FAM110B: variants seen among roughly 807,000 people sequenced by gnomAD.
FAM110B encodes the protein family with sequence similarity 110 member B, also known as protein FAM110B.
A neutral mutation model predicts 20.4 loss-of-function variants in FAM110B; 6 were observed. The ratio of observed to expected loss-of-function variants is 0.29; its 90% CI spans 0.16 to 0.58. FAM110B has a LOEUF of 0.58. Ranked by LOEUF, FAM110B falls within the 20% of genes least tolerant of loss-of-function variation. The pLI, the probability that FAM110B is intolerant of heterozygous loss-of-function variation, is 0.90. For missense variants in FAM110B, 434 were observed against 498.2 expected, an observed-to-expected ratio of 0.87 and a Z score of 1.23; for synonymous variants, 226 against 214.1, an observed-to-expected ratio of 1.06 and a Z score of -0.49.
In FAM110B at chr8:58,038,281, G is replaced by T. The variant is rs545439357; in HGVS notation, c.-414+6578G>T. 2.3e-4 allele frequency among the ~76,000 whole-genome samples: 35 copies of T among 152,210 alleles called. 1 individual carries two copies. The highest frequency in any genetic ancestry group is 4.2e-4 in the South Asian group (2 of 4,816). On this transcript the variant is annotated intron_variant, in intron 2 of 3. Transcript: ENST00000519262. ...ATCAACCCTCGGACCATTAATGACT[G>T]TTCTGTTTACTCAGAGCTGTGTTAT...
chr8:58,071,923 GAA>G (rs1805907912), intron 2 of FAM110B, among the ~76,000 whole-genome samples: 1 of 152,188 alleles, frequency 6.6e-6, no homozygotes, highest in South Asian at 2.1e-4. Context: ...TCCCATTGCA[GAA>G]GGGTGCGTAT....
At chr8:58,076,333 A>T (rs1302703915) in intron 3 of FAM110B, among the ~76,000 whole-genome samples, 1 of 152,102 alleles carries the variant, frequency 6.6e-6, no homozygotes, top group African/African-American at 2.4e-5. Context: ...GGAGTGGGTG[A>T]CCCGCAGAGA....
intron 3 of FAM110B, among the ~76,000 whole-genome samples, chr8:58,087,957 C>T (rs1806379271): frequency 6.6e-6 from 1 of 152,108 alleles, no homozygotes; most frequent in Non-Finnish European, 1.5e-5. Context: ...TAATTTGTAA[C>T]TTTCAAAAAT....
intron 3 of FAM110B, among the ~76,000 whole-genome samples, chr8:58,094,728 C>T (rs181255677): frequency 3.8e-3 from 573 of 152,136 alleles, no homozygotes; most frequent in Non-Finnish European, 5.1e-3. Context: ...GTTGTGTCTC[C>T]GCCAGGTTTT....
At chr8:58,023,766 C>T (rs1021972264) in intron 1 of FAM110B, among the ~76,000 whole-genome samples, 6 of 152,112 alleles carry the variant, frequency 3.9e-5, no homozygotes, top group African/African-American at 7.2e-5. Context: ...TCATTGAAAT[C>T]GTGGAAAATG....
chr8:58,014,072 C>T (rs1030127495), intron 1 of FAM110B, among the ~76,000 whole-genome samples: 2 of 152,024 alleles, frequency 1.3e-5, no homozygotes, highest in African/African-American at 2.4e-5. Context: ...GGAAAAGGCC[C>T]GAGCCAAACT....
intron 2 of FAM110B, among the ~76,000 whole-genome samples, chr8:58,070,024 C>T (rs575095851): frequency 5.2e-4 from 79 of 152,222 alleles, no homozygotes; most frequent in African/African-American, 1.8e-3. Context: ...GAATTTTCTC[C>T]TGTGCTTTGC....
chr8:58,005,232 G>A (rs1248699754), intron 1 of FAM110B, among the ~76,000 whole-genome samples: 1 of 152,176 alleles, frequency 6.6e-6, no homozygotes, highest in African/African-American at 2.4e-5. Context: ...GGCCTGAGCA[G>A]AGGAAGAGAT....
At chr8:58,090,285 A>C (rs1806441575) in intron 3 of FAM110B, among the ~76,000 whole-genome samples, 1 of 152,156 alleles carries the variant, frequency 6.6e-6, no homozygotes, top group African/African-American at 2.4e-5. Flanking sequence ...CGAGCCTCCC[A>C]AGTAGCTGAG....
At chr8:58,060,501 C>T (rs1374177679) in intron 2 of FAM110B, among the ~76,000 whole-genome samples, 1 of 152,092 alleles carries the variant, frequency 6.6e-6, no homozygotes, top group East Asian at 1.9e-4. Flanking sequence ...CTCACACAAC[C>T]AAGACCAGTG....
At chr8:58,088,770 A>G (rs906374252) in intron 3 of FAM110B, among the ~76,000 whole-genome samples, 2 of 152,154 alleles carry the variant, frequency 1.3e-5, no homozygotes, top group East Asian at 3.9e-4. Context: ...CTGTCCAAAA[A>G]CTATCAAGGA....
intron 3 of FAM110B, among the ~76,000 whole-genome samples, chr8:58,092,514 TGTTA>T (rs1806507959): frequency 6.6e-6 from 1 of 152,184 alleles, no homozygotes. Context: ...TCTGTTTTTG[TGTTA>T]GTTCACTGAG....
At chr8:58,092,167 TA>T (rs2150604154) in intron 3 of FAM110B, among the ~76,000 whole-genome samples, 1 of 152,352 alleles carries the variant, frequency 6.6e-6, no homozygotes, top group Non-Finnish European at 1.5e-5. Flanking sequence ...TAATTTTATT[TA>T]TTCATATTTT....
chr8:58,056,505 G>A (rs1299827048), intron 2 of FAM110B, among the ~76,000 whole-genome samples: 1 of 152,106 alleles, frequency 6.6e-6, no homozygotes, highest in East Asian at 1.9e-4. Context: ...TTTTCATACA[G>A]CCTGATAACA....
chr8:58,012,231 A>G (rs113711490), intron 1 of FAM110B, among the ~76,000 whole-genome samples: 117 of 152,246 alleles, frequency 7.7e-4, no homozygotes, highest in African/African-American at 2.4e-3. Flanking sequence ...TTCTCTAGGT[A>G]CTATAATTTT....
Position 58,099,354 on chromosome 8 carries a change from T to TA in FAM110B, c.-325+23742dup, listed in dbSNP as rs1403876382. Among the ~76,000 whole-genome samples, 681 of 147,788 alleles carry TA rather than the reference T, an allele frequency of 4.6e-3. 4 individuals are homozygous for TA. The highest frequency in any genetic ancestry group is 0.015 in the African/African-American group (616 of 40,364). On this transcript the variant is annotated intron_variant, in intron 3 of 3. Transcript: ENST00000519262. ...AGTATAATGAAACTATTCCAAAATTTAAAAAAAAAAATCAAAATCCAAAAC... is the reference window on the plus strand; with the variant it reads ...AGTATAATGAAACTATTCCAAAATTTAAAAAAAAAAAATCAAAATCCAAAAC...
At chr8:57,998,805 C>G (rs1804235042) in intron 1 of FAM110B, among the ~76,000 whole-genome samples, 1 of 152,210 alleles carries the variant, frequency 6.6e-6, no homozygotes, top group African/African-American at 2.4e-5. Flanking sequence ...GGCTTCTCCA[C>G]TGTTGCAGAA....
intron 1 of FAM110B, among the ~76,000 whole-genome samples, chr8:58,017,283 T>G (rs544888395): frequency 6.6e-6 from 1 of 152,236 alleles, no homozygotes. Flanking sequence ...GATAAGAGAC[T>G]GGCTGAGGGA....
At chr8:57,999,501 G>A (rs538793489) in intron 1 of FAM110B, among the ~76,000 whole-genome samples, 1 of 151,584 alleles carries the variant, frequency 6.6e-6, no homozygotes, top group East Asian at 1.9e-4. Flanking sequence ...CCTTCAAAAC[G>A]ATCATTCTCG....
Sources: allele counts gnomAD v4.1 joint callset (sites outside exome capture counted in the v4.1 genomes callset), GRCh38; gene constraint gnomAD v4.1.1; transcripts MANE v1.5; gene names NCBI Gene and HGNC (gene_info 2026-07-23, HGNC 2026-07-21).